The following EBF2 variants were observed in gnomAD, a reference collection of about 807,000 sequenced individuals.
EBF2 encodes transcription factor COE2.
EBF2 carries 21 observed loss-of-function variants against 72.8 expected under a neutral mutation model. That is an observed-to-expected ratio of 0.29 (90% CI 0.20 to 0.42). The LOEUF (loss-of-function observed/expected upper bound fraction) is 0.42. Among genes scored for constraint, EBF2 ranks in the 10% least tolerant of loss-of-function variants. The probability of loss-of-function intolerance (pLI) is 1.00; values close to 1 mark genes in which losing one functional copy is unlikely to be tolerated. For synonymous variants in EBF2, 299 were observed against 274.2 expected (o/e 1.09, Z -0.89); for missense variants, 637 against 731.2 (o/e 0.87, Z 1.49).
chr8:25,882,925 A>G (rs1228844990), intron 10 of EBF2, among the ~76,000 whole-genome samples: 2 of 152,230 alleles, frequency 1.3e-5, no homozygotes, highest in Non-Finnish European at 2.9e-5. Flanking sequence ...TTAATGTCTC[A>G]GCACATGAAG....
At chr8:25,882,032 A>G (rs1159112584) in intron 10 of EBF2, among the ~76,000 whole-genome samples, 1 of 152,190 alleles carries the variant, frequency 6.6e-6, no homozygotes, top group Non-Finnish European at 1.5e-5. Context: ...TGGTACACCA[A>G]AGCAAGAACC....
At chr8:25,986,010 A>AAAAAAAAAAAAAAAAG (rs1804447575) in intron 6 of EBF2, among the ~76,000 whole-genome samples, 1 of 148,572 alleles carries the variant, frequency 6.7e-6, no homozygotes, top group Non-Finnish European at 1.5e-5. Context: ...TCAAAAAAAA[A>AAAAAAAAAAAAAAAAG]AAAAAAAAAA....
At chr8:25,979,916 C>CA (rs560908899) in intron 6 of EBF2, among the ~76,000 whole-genome samples, 241 of 151,174 alleles carry the variant, frequency 1.6e-3, no homozygotes, top group African/African-American at 5.4e-3. Flanking sequence ...CCCCTTTTAG[C>CA]AAAAAAAATT....
intron 7 of EBF2, among the ~76,000 whole-genome samples, chr8:25,904,918 T>C (rs1340850090): frequency 2.0e-5 from 3 of 152,158 alleles, no homozygotes; most frequent in East Asian, 1.9e-4. Context: ...ACTCATGGAA[T>C]AGGAGAAAAT....
chr8:25,887,718 G>T, intron 9 of EBF2, 124 bp downstream of exon 9: 1 of 1,177,554 alleles, frequency 8.5e-7, no homozygotes, highest in Non-Finnish European at 1.1e-6. Context: ...ATCTTCTTAA[G>T]AAACCCATGC....
intron 6 of EBF2, among the ~76,000 whole-genome samples, chr8:26,023,215 C>A (rs1324272164): frequency 6.6e-6 from 1 of 152,168 alleles, no homozygotes; most frequent in African/African-American, 2.4e-5. Context: ...ATAGTCTTAT[C>A]CTAATCTTTC....
rs1802233735 is a variant in EBF2, at chr8:25,862,781, G to A, written c.1026C>T (p.Thr342=). ...RFIYTALNEP[T]IDYGFQRLQK... is the part of the protein sequence containing the mutation. ...GCAGTCTCTGGAAGCCATAGTCTAT[G>A]GTGGGTTCATTTAATGCTGAAAGAG... The change falls in exon 11 of 16, where the codon ACC becomes ACT. Residue 342 remains threonine, a synonymous_variant. Transcript: ENST00000520164. 1 of 1,593,516 alleles carries A rather than the reference G, an allele frequency of 6.3e-7. No homozygotes were observed. Among genetic ancestry groups the A allele is most frequent in the Non-Finnish European group, 8.6e-7 (1 of 1,168,930 alleles).
At chr8:26,021,330 G>A (rs779778330) in intron 6 of EBF2, among the ~76,000 whole-genome samples, 8 of 152,330 alleles carry the variant, frequency 5.3e-5, no homozygotes, top group Admixed American at 2.6e-4. Flanking sequence ...AATCTCCTAC[G>A]TGTGAATCAG....
At chr8:25,878,886 C>T (rs1420461486) in intron 10 of EBF2, among the ~76,000 whole-genome samples, 2 of 152,258 alleles carry the variant, frequency 1.3e-5, no homozygotes, top group South Asian at 2.1e-4. Context: ...GAAGAAGCAC[C>T]ACCAACTATC....
intron 14 of EBF2, among the ~76,000 whole-genome samples, chr8:25,855,397 G>A (rs1018424390): frequency 3.9e-5 from 6 of 152,002 alleles, no homozygotes; most frequent in African/African-American, 1.4e-4. Flanking sequence ...ATGTAAAATT[G>A]AAAAAACATC....
At chr8:25,993,331 T>G (rs1804574924) in intron 6 of EBF2, among the ~76,000 whole-genome samples, 1 of 152,224 alleles carries the variant, frequency 6.6e-6, no homozygotes, top group Non-Finnish European at 1.5e-5. Flanking sequence ...CCACATCTGT[T>G]AGCAGACTTC....
chr8:25,894,722 A>T (rs981790495), intron 7 of EBF2, among the ~76,000 whole-genome samples: 59 of 152,318 alleles, frequency 3.9e-4, no homozygotes, highest in Non-Finnish European at 2.6e-4. Flanking sequence ...CAAGGTCAAC[A>T]TTTCTTACCA....
At chr8:26,018,496 C>CAAAAAAAAAAA (rs10555042) in intron 6 of EBF2, among the ~76,000 whole-genome samples, 64 of 81,582 alleles carry the variant, frequency 7.8e-4, no homozygotes, top group Admixed American at 1.6e-3. Flanking sequence ...ACTAAAAATA[C>CAAAAAAAAAAA]AAAAAAAAAA....
chr8:26,033,059 A>G, intron 6 of EBF2, 26 bp downstream of exon 6: 1 of 1,608,488 alleles, frequency 6.2e-7, no homozygotes. Context: ...ACCAAAAATG[A>G]TTGAAAAATC....
chr8:25,897,210 TTTC>T (rs1409303973), intron 7 of EBF2, among the ~76,000 whole-genome samples: 1 of 145,588 alleles, frequency 6.9e-6, no homozygotes, highest in African/African-American at 2.9e-5. Flanking sequence ...GACGTGCTCT[TTTC>T]TTTTTTTTTA....
intron 14 of EBF2, among the ~76,000 whole-genome samples, chr8:25,851,191 G>A (rs1801962345): frequency 6.7e-6 from 1 of 149,774 alleles, no homozygotes. Flanking sequence ...TCCTATTTGG[G>A]AGCTATGTGC....
At chr8:25,964,111 T>C (rs992483515) in intron 6 of EBF2, among the ~76,000 whole-genome samples, 3 of 152,108 alleles carry the variant, frequency 2.0e-5, no homozygotes, top group Admixed American at 2.0e-4. Context: ...ACCCCGCACC[T>C]AAAGGTTCTC....
At chr8:25,909,223 A>G (rs905913809) in intron 6 of EBF2, among the ~76,000 whole-genome samples, 2 of 152,126 alleles carry the variant, frequency 1.3e-5, no homozygotes, top group African/African-American at 4.8e-5. Flanking sequence ...CTTGAAGCCA[A>G]TATTCTCTCT....
chr8:26,033,143 C>T lies in EBF2; in HGVS notation c.493G>A (p.Glu165Lys), dbSNP rs1805436423. The change falls in exon 6 of 16, where the codon GAA becomes AAA. Residue 165 changes from glutamate to lysine, a missense_variant. Glu to Lys is a moderately conservative substitution (Grantham distance 56). Around this residue, in one of 3 missense-constraint regions of EBF2, gnomAD observed 204 missense variants for 301.2 expected, o/e 0.68. Coordinates refer to ENST00000520164, the MANE Select transcript of EBF2 (RefSeq NM_022659.4). ...TTTCGGTTTCCACAGCTTTTCTTTT[C>T]GCAGCATCGACTGTAGATTGGGAAG... ...THEVMCSRCC[E>K]KKSCGNRNET... The T allele has an allele frequency of 4.3e-6, 7 of 1,614,036 alleles. No homozygotes were observed. The highest frequency in any genetic ancestry group is 1.7e-5 in the Admixed American group (1 of 60,024).
Sources: allele counts gnomAD v4.1 joint callset (sites outside exome capture counted in the v4.1 genomes callset), GRCh38; gene constraint gnomAD v4.1.1; regional missense constraint gnomAD v4.1.1; transcripts MANE v1.5; gene names NCBI Gene and HGNC (gene_info 2026-07-23, HGNC 2026-07-21).